The following GMDS variants were observed in gnomAD, a reference collection of about 807,000 sequenced individuals.
GMDS encodes the protein GDP-mannose 4,6 dehydratase.
A neutral mutation model predicts 49.9 loss-of-function variants in GMDS; 20 were observed. That is an observed-to-expected ratio of 0.40 (90% CI 0.28 to 0.58). The LOEUF is 0.58. Ranked by LOEUF, GMDS falls within the 20% of genes least tolerant of loss-of-function variation. GMDS has a pLI of 0.42. For synonymous variants in GMDS, 177 were observed against 178.6 expected, an observed-to-expected ratio of 0.99 and a Z score of 0.07; for missense variants, 362 against 481.4, an observed-to-expected ratio of 0.75 and a Z score of 2.32.
At chr6:2,008,102 C>G (rs1767311855) in intron 4 of GMDS, among the ~76,000 whole-genome samples, 2 of 151,960 alleles carry the variant, frequency 1.3e-5, no homozygotes, top group Admixed American at 1.3e-4. Flanking sequence ...TCTAAAATTG[C>G]AATTTATAGT....
chr6:2,202,024 G>A lies in GMDS; in HGVS notation c.102+43297C>T, dbSNP rs1478053038. On this transcript the variant is annotated intron_variant, in intron 1 of 10. Transcript: ENST00000380815. ...AAGAGAGAGCACCACATGGGCATCC[G>A]AGATGAAACCATCTAGGCAGTGAGG... 1.6e-4 allele frequency among the ~76,000 whole-genome samples: 23 copies of A among 140,080 alleles called. 1 individual carries two copies. The highest frequency in any genetic ancestry group is 3.1e-4 in the Non-Finnish European group (20 of 64,376). 91.9% of individuals were successfully genotyped at this position (140,080 alleles called of 152,430 possible).
intron 7 of GMDS, among the ~76,000 whole-genome samples, chr6:1,873,315 T>G: frequency 6.6e-6 from 1 of 152,206 alleles, no homozygotes; most frequent in East Asian, 1.9e-4. Context: ...CCGCTTCTCC[T>G]TCAGAAAATT....
chr6:1,790,556 G>T (rs1311322610), intron 7 of GMDS, among the ~76,000 whole-genome samples: 2 of 152,058 alleles, frequency 1.3e-5, no homozygotes, highest in African/African-American at 4.8e-5. Context: ...ATTTCATGAG[G>T]CAAATTTTAC....
At chr6:1,645,215 T>C (rs994813654) in intron 9 of GMDS, among the ~76,000 whole-genome samples, 3 of 151,990 alleles carry the variant, frequency 2.0e-5, no homozygotes, top group Admixed American at 1.3e-4. Context: ...ATTACAGGCA[T>C]GAGCCACCGC....
chr6:1,779,221 G>C (rs530552199), intron 7 of GMDS, among the ~76,000 whole-genome samples: 7 of 152,154 alleles, frequency 4.6e-5, no homozygotes, highest in African/African-American at 1.7e-4. Flanking sequence ...TCAGAGGAGG[G>C]TCTTTCATCC....
chr6:2,008,821 T>A (rs1382219044), intron 4 of GMDS, among the ~76,000 whole-genome samples: 1 of 144,204 alleles, frequency 6.9e-6, no homozygotes, highest in Non-Finnish European at 1.6e-5. Context: ...TCCACAGCAC[T>A]GATCTTAGTT....
intron 9 of GMDS, among the ~76,000 whole-genome samples, chr6:1,725,503 G>A (rs1341884355): frequency 1.3e-5 from 2 of 151,794 alleles, no homozygotes; most frequent in South Asian, 4.2e-4. Flanking sequence ...GCGCGATCTC[G>A]GCTCACTGCA....
At chr6:2,056,219 C>T (rs999831466) in intron 4 of GMDS, among the ~76,000 whole-genome samples, 4 of 152,130 alleles carry the variant, frequency 2.6e-5, no homozygotes, top group Non-Finnish European at 5.9e-5. Context: ...ACAAATTAAG[C>T]TCTACAAGAT....
At chr6:1,761,667 C>T (rs553702081) in intron 7 of GMDS, among the ~76,000 whole-genome samples, 94 of 152,132 alleles carry the variant, frequency 6.2e-4, no homozygotes, top group Non-Finnish European at 1.2e-3. Flanking sequence ...TTGCTTGTGT[C>T]AATGAGTGTC....
At chr6:2,212,443 A>G (rs1780108013) in intron 1 of GMDS, among the ~76,000 whole-genome samples, 1 of 152,242 alleles carries the variant, frequency 6.6e-6, no homozygotes, top group Non-Finnish European at 1.5e-5. Flanking sequence ...CAAAAAAATC[A>G]ACAGGACAAA....
intron 9 of GMDS, among the ~76,000 whole-genome samples, chr6:1,687,553 CCG>C (rs1765019710): frequency 1.5e-3 from 5 of 3,282 alleles, no homozygotes; most frequent in Admixed American, 3.3e-3. Context: ...GTTCCAGGCA[CCG>C]TCCTTCTCCT....
At chr6:1,805,505 C>A (rs1316966339) in intron 7 of GMDS, among the ~76,000 whole-genome samples, 6 of 152,158 alleles carry the variant, frequency 3.9e-5, no homozygotes, top group Non-Finnish European at 7.3e-5. Context: ...TTCGTTTGGT[C>A]TTCAAGGGCA....
chr6:1,737,735 CACACATACACAT>C (rs375401421), intron 8 of GMDS, among the ~76,000 whole-genome samples: 1 of 136,856 alleles, frequency 7.3e-6, no homozygotes, highest in Non-Finnish European at 1.7e-5. Flanking sequence ...CAAACACACA[CACACATACACAT>C]ACACATACAC....
At chr6:1,837,688 TA>T (rs1384682271) in intron 7 of GMDS, among the ~76,000 whole-genome samples, 1 of 152,154 alleles carries the variant, frequency 6.6e-6, no homozygotes, top group African/African-American at 2.4e-5. Flanking sequence ...CTGACTGCCA[TA>T]GGGGCCAAAG....
chr6:1,960,020 T>A (rs952753916), intron 5 of GMDS, 49 bp from the exon 6 acceptor site: 5 of 1,084,192 alleles, frequency 4.6e-6, no homozygotes, highest in African/African-American at 1.6e-5. Context: ...TAAAAGACAG[T>A]GATTCTCACC....
intron 9 of GMDS, among the ~76,000 whole-genome samples, chr6:1,636,999 C>T (rs756812307): frequency 3.7e-4 from 56 of 152,210 alleles, no homozygotes; most frequent in African/African-American, 1.3e-3. Context: ...TGCTGGTGCT[C>T]GCATAACACC....
intron 7 of GMDS, among the ~76,000 whole-genome samples, chr6:1,851,672 C>A (rs982518638): frequency 2.0e-5 from 3 of 152,036 alleles, no homozygotes; most frequent in Non-Finnish European, 4.4e-5. Context: ...TATTGGGGAG[C>A]TTTCCCTCAC....
intron 4 of GMDS, among the ~76,000 whole-genome samples, chr6:1,995,650 C>T (rs1766231176): frequency 1.3e-5 from 2 of 152,180 alleles, no homozygotes; most frequent in South Asian, 4.1e-4. Flanking sequence ...GTCAAATACT[C>T]TTTCTCCTAA....
chr6:1,999,316 G>C (rs1766504304), intron 4 of GMDS, among the ~76,000 whole-genome samples: 1 of 36,306 alleles, frequency 2.8e-5, no homozygotes, highest in Non-Finnish European at 5.3e-5. Context: ...GCGAGACTCT[G>C]TCTCAAAAAA....
Sources: gnomAD v4.1 joint callset for allele counts (sites outside exome capture counted in the v4.1 genomes callset) on GRCh38, gnomAD v4.1.1 for gene constraint, MANE v1.5 for transcripts, NCBI Gene and HGNC (gene_info 2026-07-23, HGNC 2026-07-21) for gene names.